CCDC141: variants seen among roughly 807,000 people sequenced by gnomAD.
CCDC141 encodes the protein coiled-coil domain-containing protein 141.
CCDC141 carries 168 observed loss-of-function variants against 181.0 expected under a neutral mutation model. The ratio of observed to expected loss-of-function variants is 0.93; its 90% CI spans 0.82 to 1.05. CCDC141 has a LOEUF of 1.05. CCDC141 is among the 50% of genes least tolerant of loss of function. CCDC141 has a pLI of 0.00. For synonymous variants in CCDC141, 666 were observed against 642.3 expected (o/e 1.04, Z -0.56); for missense variants, 1,902 against 1,788.5 (o/e 1.06, Z -1.14).
At chr2:178,852,653 T>C (rs150034645) in intron 20 of CCDC141, among the ~76,000 whole-genome samples, 20 of 152,324 alleles carry the variant, frequency 1.3e-4, no homozygotes, top group African/African-American at 2.6e-4. Context: ...GCAGCAGCCA[T>C]GGGCAGGCAA....
intron 2 of CCDC141, among the ~76,000 whole-genome samples, chr2:178,983,481 C>G (rs528306715): frequency 8.0e-4 from 121 of 152,042 alleles, no homozygotes; most frequent in African/African-American, 2.8e-3. Context: ...CTTTGACGAG[C>G]TGAGAGAAGA....
chr2:179,000,055 TACACACACACACAC>T (rs67309651), intron 2 of CCDC141, among the ~76,000 whole-genome samples: 145 of 144,354 alleles, frequency 1.0e-3, no homozygotes, highest in African/African-American at 3.4e-3. Context: ...TTCATCACCA[TACACACACACACAC>T]ACACACACAC....
At chr2:178,924,389 C>A (rs755776181) in intron 6 of CCDC141, among the ~76,000 whole-genome samples, 51 of 152,138 alleles carry the variant, frequency 3.4e-4, no homozygotes, top group African/African-American at 1.2e-3. Context: ...AGAATTAACT[C>A]ATTGACACAA....
intron 2 of CCDC141, among the ~76,000 whole-genome samples, chr2:179,008,028 T>A (rs1045862883): frequency 6.6e-6 from 1 of 152,208 alleles, no homozygotes; most frequent in South Asian, 2.1e-4. Flanking sequence ...TCATCGTCTA[T>A]GTTCTAAGAT....
intron 2 of CCDC141, among the ~76,000 whole-genome samples, chr2:179,027,646 C>CAAAAAAAAAAAAAAAAAAAAAAA (rs71023466): frequency 1.9e-4 from 10 of 53,272 alleles, no homozygotes; most frequent in African/African-American, 4.8e-4. Flanking sequence ...CTCTTACTCT[C>CAAAAAAAAAAAAAAAAAAAAAAA]AAAAAAAAAA....
intron 2 of CCDC141, among the ~76,000 whole-genome samples, chr2:179,014,158 AT>A (rs2042357282): frequency 6.6e-6 from 1 of 152,068 alleles, no homozygotes; most frequent in Non-Finnish European, 1.5e-5. Context: ...GCAAACAAAA[AT>A]GTAAAGCAGG....
chr2:178,894,541 A>G (rs1449078476), intron 8 of CCDC141, among the ~76,000 whole-genome samples: 1 of 152,130 alleles, frequency 6.6e-6, no homozygotes, highest in Non-Finnish European at 1.5e-5. Context: ...ACAATAAAAG[A>G]CCAAGAAACT....
intron 2 of CCDC141, among the ~76,000 whole-genome samples, chr2:179,041,434 C>T (rs917660899): frequency 1.0e-5 from 1 of 98,188 alleles, no homozygotes; most frequent in African/African-American, 3.9e-5. Flanking sequence ...TGTATGTCTT[C>T]TTTTGAGAAG....
At chr2:178,855,754 G>A (rs939939386) in intron 18 of CCDC141, among the ~76,000 whole-genome samples, 1 of 152,186 alleles carries the variant, frequency 6.6e-6, no homozygotes, top group Non-Finnish European at 1.5e-5. Flanking sequence ...GTACACAGGT[G>A]TATTCCAGAT....
intron 1 of CCDC141, among the ~76,000 whole-genome samples, chr2:179,049,086 T>C (rs1025353630): frequency 2.0e-5 from 3 of 152,182 alleles, no homozygotes; most frequent in African/African-American, 7.2e-5. Flanking sequence ...GAAAGCTTTT[T>C]TTTACAGGGC....
At chr2:178,940,739 T>G (rs940249869) in intron 6 of CCDC141, among the ~76,000 whole-genome samples, 1 of 152,184 alleles carries the variant, frequency 6.6e-6, no homozygotes, top group Non-Finnish European at 1.5e-5. Flanking sequence ...AATGTCCTTT[T>G]CATATCAGGC....
At chr2:178,862,915 T>A (rs998975112) in intron 17 of CCDC141, among the ~76,000 whole-genome samples, 1 of 152,118 alleles carries the variant, frequency 6.6e-6, no homozygotes, top group Non-Finnish European at 1.5e-5. Context: ...TACAGCACAG[T>A]CAAGAAAGAA....
chr2:178,896,666 GA>G (rs1373759024), intron 8 of CCDC141, among the ~76,000 whole-genome samples: 1 of 152,130 alleles, frequency 6.6e-6, no homozygotes, highest in African/African-American at 2.4e-5. Context: ...GAAAGGAGTA[GA>G]AAGACAAAAA....
intron 22 of CCDC141, among the ~76,000 whole-genome samples, chr2:178,843,863 C>T (rs1684827225): frequency 6.6e-6 from 1 of 152,110 alleles, no homozygotes; most frequent in South Asian, 2.1e-4. Context: ...AAGATTACTG[C>T]CACCTTTTCA....
At chr2:179,041,624 C>T (rs953487477) in intron 2 of CCDC141, among the ~76,000 whole-genome samples, 21 of 149,070 alleles carry the variant, frequency 1.4e-4, no homozygotes, top group Middle Eastern at 3.7e-3. Flanking sequence ...GAATGGCAAG[C>T]GGGATAAAGA....
chr2:178,900,285 G>A lies in CCDC141; in HGVS notation c.1265+5044C>T, dbSNP rs185385051. Among the ~76,000 whole-genome samples, 3 of 152,148 alleles carry A rather than the reference G, an allele frequency of 2.0e-5. No individual in the cohort carries two copies. In the East Asian group the frequency reaches 5.8e-4, roughly 29 times the overall value. Reference sequence around the variant, plus strand: ...CATCATGAAAAACAGGATTGTAGATGTCTCTTTGAAAAACAATAATTATGT... The same window carrying A: ...CATCATGAAAAACAGGATTGTAGATATCTCTTTGAAAAACAATAATTATGT... On this transcript the variant is annotated intron_variant, in intron 8 of 23. Transcript: ENST00000443758.
At chr2:179,026,746 G>A (rs533603358) in intron 2 of CCDC141, among the ~76,000 whole-genome samples, 125 of 152,358 alleles carry the variant, frequency 8.2e-4, no homozygotes, top group South Asian at 7.5e-3. Context: ...AAGCAGCCAG[G>A]AGGGAGGCTG....
chr2:178,993,195 GT>G (rs1288937997), intron 2 of CCDC141, among the ~76,000 whole-genome samples: 6 of 152,250 alleles, frequency 3.9e-5, no homozygotes, highest in Non-Finnish European at 8.8e-5. Flanking sequence ...CTATTTTGGG[GT>G]TATTTGTTAC....
chr2:178,916,246 GCTTTT>G (rs1373178691), intron 7 of CCDC141, among the ~76,000 whole-genome samples: 2 of 152,060 alleles, frequency 1.3e-5, no homozygotes, highest in Non-Finnish European at 2.9e-5. Context: ...ACTGAACATA[GCTTTT>G]CACTAGTGTA....
Sources: allele counts gnomAD v4.1 joint callset (sites outside exome capture counted in the v4.1 genomes callset), GRCh38; gene constraint gnomAD v4.1.1; transcripts MANE v1.5; gene names NCBI Gene and HGNC (gene_info 2026-07-23, HGNC 2026-07-21).